The following SLC9C2 variants were observed in gnomAD, a reference collection of about 807,000 sequenced individuals.
SLC9C2 encodes solute carrier family 9 member C2 (putative).
SLC9C2 carries 75 observed loss-of-function variants against 140.2 expected under a neutral mutation model. That is an observed-to-expected ratio of 0.53 (90% confidence interval 0.44 to 0.65). The LOEUF (loss-of-function observed/expected upper bound fraction) is 0.65, where lower values mean the gene tolerates loss of function less well. Ranked by LOEUF, SLC9C2 falls within the 30% of genes least tolerant of loss-of-function variation. The pLI is 0.00. For missense variants in SLC9C2, 1,074 were observed against 1,331.8 expected, an observed-to-expected ratio of 0.81 and a Z score of 3.01; for synonymous variants, 375 against 420.9, an observed-to-expected ratio of 0.89 and a Z score of 1.34.
intron 11 of SLC9C2, 127 bp from the exon 12 acceptor site, chr1:173,548,679 G>T: frequency 1.0e-6 from 1 of 976,874 alleles, no homozygotes; most frequent in Non-Finnish European, 1.5e-6. Context: ...GTTAGAGCAA[G>T]GACAATTTTT....
chr1:173,504,382 C>A (rs530028255), intron 26 of SLC9C2, among the ~76,000 whole-genome samples: 7 of 152,312 alleles, frequency 4.6e-5, no homozygotes, highest in African/African-American at 1.4e-4. Context: ...CACAGCGGGG[C>A]TGCATTTTAT....
At chr1:173,554,017 C>A (rs925611453) in intron 11 of SLC9C2, among the ~76,000 whole-genome samples, 8 of 152,094 alleles carry the variant, frequency 5.3e-5, no homozygotes, top group African/African-American at 1.9e-4. Context: ...ATTTCTCTAC[C>A]GAATGTGTCT....
chr1:173,507,068 TAA>T (rs759925037), intron 24 of SLC9C2, 27 bp from the exon 25 acceptor site: 1 of 1,495,242 alleles, frequency 6.7e-7, no homozygotes, highest in Non-Finnish European at 9.0e-7. Context: ...TTTTAGAAAA[TAA>T]GTCATACAAA....
intron 11 of SLC9C2, among the ~76,000 whole-genome samples, chr1:173,550,908 G>GAGAGAGAGAGAGAGAGA (rs1663248312): frequency 4.4e-5 from 6 of 137,400 alleles, no homozygotes; most frequent in Admixed American, 1.5e-4. Context: ...GAGAGAGAGA[G>GAGAGAGAGAGAGAGAGA]AAGGAAGGGA....
At chr1:173,547,873 A>C in intron 12 of SLC9C2, 89 bp from the exon 13 acceptor site, 50 of 879,888 alleles carry the variant, frequency 5.7e-5, no homozygotes, top group Non-Finnish European at 7.6e-5. Flanking sequence ...TACTACTCTC[A>C]ACAAAGATTC....
At chr1:173,509,729 G>T (rs1659909391) in intron 23 of SLC9C2, 30 bp from the exon 24 acceptor site, 1 of 1,559,354 alleles carries the variant, frequency 6.4e-7, no homozygotes. Context: ...GGCCATAGCA[G>T]CTTGATGTGG....
At chr1:173,558,908 G>A (rs1663901806) in intron 9 of SLC9C2, among the ~76,000 whole-genome samples, 1 of 152,144 alleles carries the variant, frequency 6.6e-6, no homozygotes, top group Admixed American at 6.5e-5. Context: ...AAGATCTCTG[G>A]CACTCACTAG....
chr1:173,576,735 A>G lies in SLC9C2; in HGVS notation c.828T>C (p.Thr276=), dbSNP rs762689263. 6.2e-7 allele frequency: 1 copy of G among 1,603,518 alleles called. No individual in the cohort carries two copies. The highest frequency in any genetic ancestry group is 8.5e-7 in the Non-Finnish European group (1 of 1,177,068). Residue 276 remains threonine (T), a synonymous_variant, in exon 8 of 28, where the codon ACT becomes ACC. Coordinates refer to ENST00000367714, the MANE Select transcript of SLC9C2 (RefSeq NM_178527.4). ...TCAGTCCTACAGCGGCTAAGGCAAG[A>G]GTGCCTGACATTCCTAAAAATTCCA... ...YIVEFLGMSG[T]LALAAVGLNL...
intron 4 of SLC9C2, 152 bp from the exon 5 acceptor site, chr1:173,587,982 C>T: frequency 2.0e-6 from 1 of 511,428 alleles, no homozygotes; most frequent in Non-Finnish European, 3.3e-6. Context: ...TAACCACCTG[C>T]CACAAAGAAA....
intron 24 of SLC9C2, among the ~76,000 whole-genome samples, chr1:173,509,331 G>T (rs1659872694): frequency 4.6e-5 from 7 of 151,794 alleles, no homozygotes; most frequent in Admixed American, 4.6e-4. Flanking sequence ...TATAATCCCA[G>T]TTACTTGGGA....
At position 173,526,681 on chromosome 1, in the gene SLC9C2, C is replaced by T; in HGVS notation, c.2347G>A (p.Asp783Asn). ...LCEILETNKQ[D>N]AVKELVLMEH... is the part of the protein sequence containing the mutation. The stretch of plus-strand genomic sequence containing the variant: ...TACCTACCTAATTCTTTGACAGCAT[C>T]CTGTTTGTTGGTTTCCAAAATTTCA... Residue 783 changes from aspartate to asparagine, a missense_variant, in exon 19 of 28, where the codon GAT becomes AAT. Transcript: ENST00000367714. The T allele has an allele frequency of 6.3e-7, 1 of 1,595,684 alleles. No individual in the cohort carries two copies. The highest frequency in any genetic ancestry group is 2.3e-5 in the East Asian group (1 of 44,362).
At chr1:173,578,398 A>C (rs1393879152) in intron 7 of SLC9C2, among the ~76,000 whole-genome samples, 1 of 152,178 alleles carries the variant, frequency 6.6e-6, no homozygotes, top group East Asian at 1.9e-4. Context: ...TTTTATCTGC[A>C]TTTTCGCTTT....
intron 13 of SLC9C2, among the ~76,000 whole-genome samples, chr1:173,540,652 C>A (rs1005742166): frequency 6.6e-6 from 1 of 152,184 alleles, no homozygotes; most frequent in Non-Finnish European, 1.5e-5. Flanking sequence ...GAAAATGTAC[C>A]TCATGAATCT....
At chr1:173,583,699 G>A in intron 5 of SLC9C2, 77 bp from the exon 6 acceptor site, 1 of 768,914 alleles carries the variant, frequency 1.3e-6, no homozygotes. Flanking sequence ...AGAAACAGAA[G>A]AGAAAGAACA....
At chr1:173,519,032 C>T (rs964826011) in intron 22 of SLC9C2, among the ~76,000 whole-genome samples, 2 of 151,936 alleles carry the variant, frequency 1.3e-5, no homozygotes, top group African/African-American at 4.8e-5. Context: ...GGAGTTAAGG[C>T]TACTAATCAG....
intron 2 of SLC9C2, 116 bp downstream of exon 2, chr1:173,601,534 T>C (rs1365934506): frequency 3.6e-6 from 4 of 1,122,576 alleles, no homozygotes; most frequent in Non-Finnish European, 5.1e-6. Context: ...TATTCACTCA[T>C]GTCTTATCGT....
intron 25 of SLC9C2, among the ~76,000 whole-genome samples, chr1:173,506,309 A>T (rs914802175): frequency 6.6e-6 from 1 of 152,220 alleles, no homozygotes; most frequent in Non-Finnish European, 1.5e-5. Context: ...AGTGGCAGGC[A>T]GCTTGGGCCA....
In SLC9C2 at chr1:173,536,024, G is replaced by T. The variant is rs1571496802; in HGVS notation, c.1656-75C>A. On this transcript the variant is annotated intron_variant, in intron 14 of 27. Coordinates refer to ENST00000367714, the MANE Select transcript of SLC9C2 (RefSeq NM_178527.4). The stretch of plus-strand genomic sequence containing the variant: ...ACTTTGGGTTAATATAAAAGGGGAA[G>T]GTGTACTAAGTATAAATTTAATATG... The T allele has an allele frequency of 3.9e-6, 5 of 1,288,808 alleles. No individual in the cohort carries two copies. The East Asian group carries it at 1.5e-4, about 40-fold the overall frequency. 79.8% of individuals were successfully genotyped at this position (1,288,808 alleles called of 1,614,324 possible).
Position 173,511,173 on chromosome 1 carries a change from A to G in SLC9C2, c.2908-1474T>C, listed in dbSNP as rs115280165. On this transcript the variant is annotated intron_variant, in intron 23 of 27. Coordinates refer to ENST00000367714, the MANE Select transcript of SLC9C2 (RefSeq NM_178527.4). ...CTCAGCCACCCGAGTAGCTGGGACT[A>G]TAAGTGCGCCACCATGCCCAGCTAG... Among the ~76,000 whole-genome samples the G allele has an allele frequency of 4.9e-3, 737 of 151,516 alleles. 3 individuals carry two copies. Among genetic ancestry groups the G allele is most frequent in the African/African-American group, 0.016 (650 of 41,260 alleles).
Sources: gnomAD v4.1 joint callset for allele counts (sites outside exome capture counted in the v4.1 genomes callset) on GRCh38, gnomAD v4.1.1 for gene constraint, MANE v1.5 for transcripts, NCBI Gene and HGNC (gene_info 2026-07-23, HGNC 2026-07-21) for gene names.